SCAMP1: variants seen among roughly 807,000 people sequenced by gnomAD.
The protein encoded by SCAMP1 is secretory carrier membrane protein 1.
In SCAMP1, 15 loss-of-function variants were observed where a neutral mutation model predicts 41.8. The ratio of observed to expected loss-of-function variants is 0.36; its 90% CI spans 0.24 to 0.55. The LOEUF is 0.55. SCAMP1 is among the 20% of genes least tolerant of loss of function. The pLI is 0.86. For synonymous variants in SCAMP1, 135 were observed against 136.8 expected (o/e 0.99, Z 0.09); for missense variants, 341 against 412.6 (o/e 0.83, Z 1.50).
At chr5:78,464,577 A>T (rs373346181) in intron 8 of SCAMP1, among the ~76,000 whole-genome samples, 2 of 152,216 alleles carry the variant, frequency 1.3e-5, no homozygotes, top group African/African-American at 2.4e-5. Context: ...TATTAACCTT[A>T]AAAAAACCCC....
intron 7 of SCAMP1, among the ~76,000 whole-genome samples, chr5:78,454,860 A>C (rs1479975923): frequency 2.8e-4 from 42 of 152,208 alleles, no homozygotes; most frequent in South Asian, 1.0e-3. Flanking sequence ...ACAATTTCAG[A>C]TCCTGTTATT....
At chr5:78,453,645 C>A (rs1753302149) in intron 7 of SCAMP1, among the ~76,000 whole-genome samples, 2 of 152,022 alleles carry the variant, frequency 1.3e-5, no homozygotes, top group Admixed American at 6.6e-5. Context: ...GTTCTTTTGG[C>A]TTAGGATAGC....
At chr5:78,459,410 G>A (rs1453964829) in intron 8 of SCAMP1, 48 bp downstream of exon 8, 1 of 918,404 alleles carries the variant, frequency 1.1e-6, no homozygotes, top group Admixed American at 2.3e-5. Context: ...GTGATGTAAA[G>A]TTCTCATTTT....
chr5:78,374,977 G>C (rs189090969), intron 1 of SCAMP1, among the ~76,000 whole-genome samples: 1 of 152,076 alleles, frequency 6.6e-6, no homozygotes, highest in Non-Finnish European at 1.5e-5. Context: ...GCTTTTCCTA[G>C]CTCCTTTTTA....
intron 1 of SCAMP1, among the ~76,000 whole-genome samples, chr5:78,364,818 G>A (rs1750751924): frequency 6.7e-6 from 1 of 149,064 alleles, no homozygotes; most frequent in Non-Finnish European, 1.5e-5. Flanking sequence ...CTCACTCATA[G>A]GTGGGAATTG....
intron 2 of SCAMP1, among the ~76,000 whole-genome samples, chr5:78,414,425 G>A (rs899089955): frequency 1.3e-5 from 2 of 152,010 alleles, no homozygotes; most frequent in Non-Finnish European, 2.9e-5. Flanking sequence ...TGGGACTGCA[G>A]GCGCCCGCCG....
In SCAMP1 at chr5:78,402,752, A is replaced by T. The variant is rs1469894424; in HGVS notation, c.136-12768A>T. On this transcript the variant is annotated intron_variant, in intron 2 of 8. Transcript: ENST00000621999. Reference sequence around the variant, plus strand: ...TTTTTGATCATCTCATAATCTTTTAATTAGTGCCTTGAGACCGTTGATGTT... The same window carrying T: ...TTTTTGATCATCTCATAATCTTTTATTTAGTGCCTTGAGACCGTTGATGTT... Among the ~76,000 whole-genome samples, 3 of 152,026 alleles carry T rather than the reference A, an allele frequency of 2.0e-5. No homozygotes were observed. In the East Asian group the frequency reaches 5.8e-4, roughly 29 times the overall value.
rs915913503 is a variant in SCAMP1, at chr5:78,476,242, A to T, written c.*574A>T. ...TTTTTTTAGAATAGCTGATATTTTG[A>T]TAACAATCTCTAATTTGCATGGGCA... is the stretch of plus-strand genomic sequence containing the variant. On this transcript the variant is annotated 3_prime_UTR_variant, in exon 9 of 9. Coordinates refer to ENST00000621999, the MANE Select transcript of SCAMP1 (RefSeq NM_004866.6). The T allele has an allele frequency of 1.1e-4, 16 of 152,072 alleles. No individual in the cohort carries two copies. Among genetic ancestry groups the T allele is most frequent in the African/African-American group, 3.6e-4 (15 of 41,368 alleles). The allele number at this position is 152,072 out of a possible 1,614,324, so 9.4% of individuals were successfully genotyped here. A position where few individuals can be genotyped will look rare whatever the true frequency, so the allele number is the denominator to read the frequency against.
chr5:78,454,098 T>G (rs898819394), intron 7 of SCAMP1, among the ~76,000 whole-genome samples: 4 of 152,202 alleles, frequency 2.6e-5, no homozygotes, highest in African/African-American at 9.7e-5. Flanking sequence ...ACAGTGGGGT[T>G]TTCTAGATAT....
At position 78,360,762 on chromosome 5, in the gene SCAMP1, G is replaced by T. The variant is rs750315402; in HGVS notation, c.57+34G>T. 2.5e-6 allele frequency: 4 copies of T among 1,584,136 alleles called. No homozygotes were observed. The South Asian group carries it at 4.6e-5, about 18-fold the overall frequency. On this transcript the variant is annotated intron_variant, in intron 1 of 8. Coordinates refer to ENST00000621999, the MANE Select transcript of SCAMP1 (RefSeq NM_004866.6). ...CGGCCCCAGCATCTCCTGCCGCCGC[G>T]ACGCGTCGTTGTTTGTGAAAACGGA...
intron 1 of SCAMP1, among the ~76,000 whole-genome samples, chr5:78,381,666 T>C (rs1751208476): frequency 6.6e-6 from 1 of 152,250 alleles, no homozygotes; most frequent in African/African-American, 2.4e-5. Context: ...TCATTCCCTC[T>C]TTCCCATTTT....
rs558169639 is a variant in SCAMP1 at position 78,421,338 on chromosome 5, A to G, written c.473-463A>G. ...TGAACAATCCTTATACATTGACTAT[A>G]TAGTCACTAGAAATTGCTACTGTAT... On this transcript the variant is annotated intron_variant, in intron 5 of 8. Transcript: ENST00000621999. Among the ~76,000 whole-genome samples the G allele has an allele frequency of 3.9e-5, 6 of 152,312 alleles. No homozygotes were observed. The South Asian group carries it at 1.2e-3, about 32-fold the overall frequency.
intron 1 of SCAMP1, among the ~76,000 whole-genome samples, chr5:78,376,929 A>G (rs1458805691): frequency 6.6e-6 from 1 of 152,150 alleles, no homozygotes; most frequent in Non-Finnish European, 1.5e-5. Flanking sequence ...CATATGAGAG[A>G]AAAGGATAAT....
intron 6 of SCAMP1, among the ~76,000 whole-genome samples, chr5:78,444,014 C>CA (rs1379356132): frequency 2.0e-5 from 3 of 151,886 alleles, no homozygotes; most frequent in Admixed American, 6.6e-5. Flanking sequence ...AATCTTCTTC[C>CA]AAAAAAACAC....
At chr5:78,431,385 T>C (rs111239477) in intron 6 of SCAMP1, among the ~76,000 whole-genome samples, 177 of 151,940 alleles carry the variant, frequency 1.2e-3, no homozygotes, top group Middle Eastern at 3.4e-3. Flanking sequence ...GACAAGTCTA[T>C]ATATTAAGTT....
In SCAMP1 at chr5:78,477,193, C is replaced by T. The variant is rs1406833617; in HGVS notation, c.*1525C>T. ...AAGTTTTATGCTAGAGGTGGGATGCCAAGTTTTCACTATCCATGAAGCAGC... is the reference window on the plus strand; with the variant it reads ...AAGTTTTATGCTAGAGGTGGGATGCTAAGTTTTCACTATCCATGAAGCAGC... On this transcript the variant is annotated 3_prime_UTR_variant, in exon 9 of 9. Coordinates refer to ENST00000621999, the MANE Select transcript of SCAMP1 (RefSeq NM_004866.6). 6.6e-6 allele frequency: 1 copy of T among 152,090 alleles called. No homozygotes were observed. The highest frequency in any genetic ancestry group is 1.5e-5 in the Non-Finnish European group (1 of 67,978). 9.4% of individuals were successfully genotyped at this position (152,090 alleles called of 1,614,324 possible).
At position 78,476,651 on chromosome 5, in the gene SCAMP1, T is replaced by A. The variant is rs1754011856; in HGVS notation, c.*983T>A. ...TAGCCTAACTGTTGTCTAAAAAGATTGTACAGTATTTAAGGGATTTTCCTT... is the reference window on the plus strand; with the variant it reads ...TAGCCTAACTGTTGTCTAAAAAGATAGTACAGTATTTAAGGGATTTTCCTT... On this transcript the variant is annotated 3_prime_UTR_variant, in exon 9 of 9. Coordinates refer to ENST00000621999, the MANE Select transcript of SCAMP1 (RefSeq NM_004866.6). 2 of 152,548 alleles carry A rather than the reference T, an allele frequency of 1.3e-5. No homozygotes were observed. Among genetic ancestry groups the A allele is most frequent in the Admixed American group, 1.3e-4 (2 of 15,264 alleles). 9.4% of individuals were successfully genotyped at this position (152,548 alleles called of 1,614,324 possible). A position where few individuals can be genotyped will look rare whatever the true frequency, so the allele number is the denominator to read the frequency against.
intron 6 of SCAMP1, among the ~76,000 whole-genome samples, chr5:78,429,116 A>G (rs1242662991): frequency 1.3e-5 from 2 of 152,066 alleles, no homozygotes; most frequent in Non-Finnish European, 2.9e-5. Flanking sequence ...CAAAGTAGTT[A>G]TCTTTAATCA....
intron 1 of SCAMP1, among the ~76,000 whole-genome samples, chr5:78,371,794 G>A (rs1191064829): frequency 6.6e-6 from 1 of 152,054 alleles, no homozygotes; most frequent in Admixed American, 6.6e-5. Flanking sequence ...TTATTTTACA[G>A]AATACAGTTG....
Sources: gnomAD v4.1 joint callset for allele counts (sites outside exome capture counted in the v4.1 genomes callset) on GRCh38, gnomAD v4.1.1 for gene constraint, MANE v1.5 for transcripts, NCBI Gene and HGNC (gene_info 2026-07-23, HGNC 2026-07-21) for gene names.